The following RELT variants were observed in gnomAD, a reference collection of about 807,000 sequenced individuals.
RELT encodes the protein RELT TNF receptor, also known as tumor necrosis factor receptor superfamily member 19L.
A neutral mutation model predicts 51.1 loss-of-function variants in RELT; 37 were observed. The ratio of observed to expected loss-of-function variants is 0.72; its 90% confidence interval spans 0.56 to 0.95. The LOEUF (loss-of-function observed/expected upper bound fraction) is 0.95, where lower values mean the gene tolerates loss of function less well. Among genes scored for constraint, RELT ranks in the 40% least tolerant of loss-of-function variants. The probability of loss-of-function intolerance (pLI) is 0.00; values close to 1 mark genes in which losing one functional copy is unlikely to be tolerated. For missense variants in RELT, 535 were observed against 572.6 expected (o/e 0.93, Z 0.67); for synonymous variants, 241 against 235.7 (o/e 1.02, Z -0.21).
chr11:73,395,142 A>C lies in RELT; in HGVS notation c.1102A>C (p.Lys368Gln). 6.2e-7 allele frequency: 1 copy of C among 1,613,658 alleles called. No homozygotes were observed. Among genetic ancestry groups the C allele is most frequent in the Non-Finnish European group, 8.5e-7 (1 of 1,180,014 alleles). Residue 368 changes from lysine (K) to glutamine (Q), a missense_variant, in exon 10 of 11, where the codon AAG becomes CAG. By Grantham distance (53) the Lys-to-Gln change is moderately conservative. Transcript: ENST00000064780. ...QRTSSMVSEV[K>Q]TITEAGPSWG... is the part of the protein sequence containing the mutation. Reference sequence around the variant, plus strand: ...GACAAGTTCAATGGTGTCTGAGGTGAAGACCATCACGGAGGCTGGGCCCTC... The same window carrying C: ...GACAAGTTCAATGGTGTCTGAGGTGCAGACCATCACGGAGGCTGGGCCCTC...
At chr11:73,378,161 C>T (rs977515402) in intron 1 of RELT, among the ~76,000 whole-genome samples, 11 of 152,188 alleles carry the variant, frequency 7.2e-5, no homozygotes, top group Non-Finnish European at 1.0e-4. Flanking sequence ...GGTACCCTTT[C>T]GCCATCTGGG....
intron 6 of RELT, chr11:73,393,619 G>A: frequency 6.6e-7 from 1 of 1,510,156 alleles, no homozygotes. Context: ...CACCCGGGCT[G>A]TTGGGTGCAG....
At chr11:73,390,505 C>T (rs998008749) in intron 2 of RELT, 46 bp from the exon 3 acceptor site, 9 of 1,568,002 alleles carry the variant, frequency 5.7e-6, no homozygotes, top group East Asian at 2.2e-5. Flanking sequence ...CCAGAGACCC[C>T]ACACCCAGCA....
chr11:73,392,765 G>C, intron 6 of RELT: 1 of 1,341,196 alleles, frequency 7.5e-7, no homozygotes, highest in Non-Finnish European at 9.6e-7. Context: ...TGTGTGTATG[G>C]TTCCAGGGTC....
chr11:73,393,400 G>GGTGC (rs1172308875), intron 6 of RELT: 2 of 1,161,648 alleles, frequency 1.7e-6, no homozygotes, highest in East Asian at 1.2e-4. Context: ...AGCTGACTAG[G>GGTGC]GGCACTCAGT....
At position 73,395,702 on chromosome 11, in the gene RELT, C is replaced by A; in HGVS notation, c.*211C>A. ...ACTGTGTACAGGAGCAGGCTGAGCC[C>A]CGCCCCTGGCCCTGCTGCCATGTTG... is the stretch of plus-strand genomic sequence containing the variant. On this transcript the variant is annotated 3_prime_UTR_variant, in exon 11 of 11. Transcript: ENST00000064780. 1.7e-6 allele frequency: 1 copy of A among 586,586 alleles called. No homozygotes were observed. 36.3% of individuals were successfully genotyped at this position (586,586 alleles called of 1,614,324 possible).
chr11:73,382,297 C>T (rs1178093922), intron 1 of RELT, among the ~76,000 whole-genome samples: 1 of 152,222 alleles, frequency 6.6e-6, no homozygotes, highest in Non-Finnish European at 1.5e-5. Flanking sequence ...GTGGTCTCCC[C>T]CAAGTCCCTC....
At chr11:73,393,551 C>A in intron 6 of RELT, 1 of 1,359,856 alleles carries the variant, frequency 7.4e-7, no homozygotes, top group South Asian at 1.3e-5. Flanking sequence ...GCTGACGCAC[C>A]GCCCCCTCGC....
rs897144722 is a variant in RELT at position 73,389,019 on chromosome 11, ATGAGTCCTGTCATCC to A, written c.-25-90_-25-76del. The A allele has an allele frequency of 2.1e-5, 15 of 716,164 alleles. No individual in the cohort carries two copies. The African/African-American group carries it at 2.5e-4, about 12-fold the overall frequency. The allele number at this position is 716,164 out of a possible 1,614,324, so 44.4% of individuals were successfully genotyped here. Reference sequence around the variant, plus strand: ...CCCAGCAGCACCTTGCCTGCTCCCCATGAGTCCTGTCATCCTGGAAGTGGTGCTGAGGGGACAGCA... The same window carrying A: ...CCCAGCAGCACCTTGCCTGCTCCCCATGGAAGTGGTGCTGAGGGGACAGCA... On this transcript the variant is annotated intron_variant, in intron 1 of 10. Coordinates refer to ENST00000064780, the MANE Select transcript of RELT (RefSeq NM_152222.2).
intron 1 of RELT, among the ~76,000 whole-genome samples, chr11:73,387,402 G>A (rs1866140671): frequency 6.6e-6 from 1 of 152,180 alleles, no homozygotes; most frequent in African/African-American, 2.4e-5. Context: ...GTGGGAGCTG[G>A]GCCCTGACAA....
intron 2 of RELT, 29 bp downstream of exon 2, chr11:73,389,210 G>A (rs1590734641): frequency 6.7e-7 from 1 of 1,498,584 alleles, no homozygotes; most frequent in Non-Finnish European, 9.0e-7. Flanking sequence ...CTGGGAAGGA[G>A]AAAAGCCGCA....
At chr11:73,391,589 T>C (rs1254472384) in intron 5 of RELT, among the ~76,000 whole-genome samples, 1 of 152,144 alleles carries the variant, frequency 6.6e-6, no homozygotes, top group African/African-American at 2.4e-5. Context: ...GAGGATCACT[T>C]TGAGACCAGC....
At position 73,393,905 on chromosome 11, in the gene RELT, A is replaced by G. The variant is rs772666305; in HGVS notation, c.694A>G (p.Thr232Ala). 12 of 1,613,916 alleles carry G rather than the reference A, an allele frequency of 7.4e-6. No homozygotes were observed. In the East Asian group the frequency reaches 2.5e-4, roughly 33 times the overall value. Residue 232 changes from threonine to alanine, a missense_variant, in exon 7 of 11, where the codon ACA becomes GCA. Coordinates refer to ENST00000064780, the MANE Select transcript of RELT (RefSeq NM_152222.2). The part of the protein sequence containing the change: ...DTIGVLVRLI[T>A]EKKENAAALE... The stretch of plus-strand genomic sequence containing the variant: ...CATTGGGGTCCTGGTGCGCTTGATC[A>G]CAGAGAAGAAAGGTGAGGAGAAGGT...
chr11:73,387,723 A>T (rs763333756), intron 1 of RELT, among the ~76,000 whole-genome samples: 6 of 152,064 alleles, frequency 3.9e-5, no homozygotes, highest in Non-Finnish European at 7.4e-5. Context: ...GGGCGGGTGG[A>T]CAGATCGGTT....
At position 73,395,496 on chromosome 11, in the gene RELT, C is replaced by T. The variant is rs993563325; in HGVS notation, c.*5C>T. On this transcript the variant is annotated 3_prime_UTR_variant, in exon 11 of 11. Transcript: ENST00000064780. ...GAGAGCAACCTGGTCATCTGAGGGG[C>T]GGTCTAGTCTAAGGACACTGCGGCC... The T allele has an allele frequency of 6.3e-6, 5 of 788,106 alleles. No homozygotes were observed. The highest frequency in any genetic ancestry group is 1.7e-5 in the African/African-American group (1 of 59,232). The allele number at this position is 788,106 out of a possible 1,614,324, so 48.8% of individuals were successfully genotyped here.
rs117321807 is a variant in RELT, at chr11:73,379,789, C to T, written c.-26+3290C>T. On this transcript the variant is annotated intron_variant, in intron 1 of 10. Coordinates refer to ENST00000064780, the MANE Select transcript of RELT (RefSeq NM_152222.2). ...TTCTGTGCTTCCACGTCGGCTCTCC[C>T]GCACACTGCCAGAGTGACCTCCATA... 5.8e-3 allele frequency among the ~76,000 whole-genome samples: 885 copies of T among 152,328 alleles called. 8 individuals are homozygous for T. The highest frequency in any genetic ancestry group is 0.027 in the Middle Eastern group (8 of 294).
chr11:73,389,083 C>T (rs1370383181), intron 1 of RELT, 29 bp from the exon 2 acceptor site: 14 of 1,257,772 alleles, frequency 1.1e-5, no homozygotes, highest in Middle Eastern at 2.3e-4. Flanking sequence ...CCCTGCCGCT[C>T]TGCCGAGCCT....
intron 3 of RELT, 27 bp downstream of exon 3, chr11:73,390,652 G>A (rs1247419637): frequency 6.2e-7 from 1 of 1,612,838 alleles, no homozygotes; most frequent in Non-Finnish European, 8.5e-7. Context: ...TCTCCTGCCT[G>A]TCCTGGGAGG....
intron 6 of RELT, chr11:73,392,917 T>C (rs1866241840): frequency 2.0e-6 from 2 of 1,022,152 alleles, no homozygotes; most frequent in Non-Finnish European, 2.3e-6. Flanking sequence ...GGTTCCAGGC[T>C]GTAGTTTGAG....
Sources: gnomAD v4.1 joint callset for allele counts (sites outside exome capture counted in the v4.1 genomes callset) on GRCh38, gnomAD v4.1.1 for gene constraint, MANE v1.5 for transcripts, NCBI Gene and HGNC (gene_info 2026-07-23, HGNC 2026-07-21) for gene names.